Variants in SLC6A18 observed in about 807,000 individuals in gnomAD.
SLC6A18 encodes solute carrier family 6 member 18, also known as inactive sodium-dependent neutral amino acid transporter B(0)AT3.
SLC6A18 carries 58 observed loss-of-function variants against 62.9 expected under a neutral mutation model. The ratio of observed to expected loss-of-function variants is 0.92; its 90% CI spans 0.75 to 1.15. The LOEUF is 1.15. Ranked by LOEUF, SLC6A18 falls within the 50% of genes most tolerant of loss-of-function variation. The probability of loss-of-function intolerance (pLI) is 0.00; values close to 1 mark genes in which losing one functional copy is unlikely to be tolerated. For synonymous variants in SLC6A18, 382 were observed against 365.8 expected (o/e 1.04, Z -0.51); for missense variants, 793 against 836.6 (o/e 0.95, Z 0.64).
intron 5 of SLC6A18, 39 bp downstream of exon 5, chr5:1,238,099 C>A: frequency 1.3e-6 from 2 of 1,495,024 alleles, no homozygotes; most frequent in East Asian, 2.3e-5. Flanking sequence ...GCCTCCAGCA[C>A]ACACATTTCA....
In SLC6A18 at chr5:1,238,059, A is replaced by G. The variant is rs917945102; in HGVS notation, c.731A>G (p.Asn244Ser). 5.0e-6 allele frequency: 8 copies of G among 1,608,802 alleles called. No homozygotes were observed. The highest frequency in any genetic ancestry group is 1.1e-5 in the South Asian group (1 of 90,964). ...TKGLIYLFTP[N>S]MHILQNPRVW... The stretch of plus-strand genomic sequence containing the variant: ...GGACTCATCTACTTGTTCACTCCCA[A>G]CGTAAGTGGGTCTTGGATCAAAGTT... Residue 244 changes from asparagine (N) to serine (S), a missense_variant and splice_region_variant, in exon 5 of 12, where the codon AAC (asparagine) becomes AGC (serine). Transcript: ENST00000324642.
intron 5 of SLC6A18, 58 bp from the exon 6 acceptor site, chr5:1,239,392 G>A: frequency 7.5e-7 from 1 of 1,329,200 alleles, no homozygotes; most frequent in Non-Finnish European, 1.1e-6. Flanking sequence ...GAACAGTCAG[G>A]GCCACCAGCT....
rs1746743760 is a variant in SLC6A18, at chr5:1,232,096, T to C, written c.161-123T>C. On this transcript the variant is annotated intron_variant, in intron 1 of 11. Coordinates refer to ENST00000324642, the MANE Select transcript of SLC6A18 (RefSeq NM_182632.3). ...CCCAAGGGTGTCTCCACCACCCAAG[T>C]GGTGCCCCCAACATTCAGGTCCCGT... is the stretch of plus-strand genomic sequence containing the variant. 9.5e-6 allele frequency: 8 copies of C among 838,486 alleles called. No individual in the cohort carries two copies. The South Asian group carries it at 1.3e-4, about 14-fold the overall frequency. 51.9% of individuals were successfully genotyped at this position (838,486 alleles called of 1,614,324 possible).
At chr5:1,242,930 G>A in intron 8 of SLC6A18, 67 bp downstream of exon 8, 1 of 1,490,150 alleles carries the variant, frequency 6.7e-7, no homozygotes, top group Non-Finnish European at 9.0e-7. Context: ...CGCACTGGCT[G>A]TGTCCCACTG....
At chr5:1,231,161 C>A (rs936220104) in intron 1 of SLC6A18, among the ~76,000 whole-genome samples, 2 of 152,196 alleles carry the variant, frequency 1.3e-5, no homozygotes, top group African/African-American at 4.8e-5. Flanking sequence ...GGAAGCCAGC[C>A]CTGCTCGCAT....
At chr5:1,231,800 G>A (rs1746736320) in intron 1 of SLC6A18, among the ~76,000 whole-genome samples, 1 of 152,190 alleles carries the variant, frequency 6.6e-6, no homozygotes, top group Non-Finnish European at 1.5e-5. Context: ...GGTTTTCAGT[G>A]TGATTCCGCC....
At position 1,243,742 on chromosome 5, in the gene SLC6A18, C is replaced by T. The variant is rs765299867; in HGVS notation, c.1319C>T (p.Pro440Leu). 3 of 1,607,902 alleles carry T rather than the reference C, an allele frequency of 1.9e-6. No individual in the cohort carries two copies. The highest frequency in any genetic ancestry group is 1.3e-5 in the African/African-American group (1 of 74,914). The part of the protein sequence containing the change: ...LDVGVLPRWV[P>L]KEALTGLVCL... The stretch of plus-strand genomic sequence containing the variant: ...GTGGGGGTCCTGCCTAGATGGGTCC[C>T]CAAGGAGGCCCTGACTGGTGAGCGC... Residue 440 changes from proline to leucine, a missense_variant, in exon 9 of 12, where the codon CCC (proline) becomes CTC (leucine). Pro to Leu is a moderately conservative substitution (Grantham distance 98). Coordinates refer to ENST00000324642, the MANE Select transcript of SLC6A18 (RefSeq NM_182632.3). The surrounding 1 kb of genome is among the most constrained non-coding windows in gnomAD (Gnocchi z 6.5).
chr5:1,239,664 G>A, intron 6 of SLC6A18, 102 bp downstream of exon 6: 3 of 903,372 alleles, frequency 3.3e-6, no homozygotes, highest in Admixed American at 2.0e-5. Flanking sequence ...GTGGCCTTGT[G>A]TGAACCTGAG....
intron 3 of SLC6A18, among the ~76,000 whole-genome samples, chr5:1,234,927 T>C (rs988988962): frequency 6.6e-6 from 1 of 152,364 alleles, no homozygotes; most frequent in Non-Finnish European, 1.5e-5. Context: ...CAGTCAAGTG[T>C]CCCAGAAATG....
rs539854209 is a variant in SLC6A18, at chr5:1,235,320, G to A, written c.440-161G>A. Among the ~76,000 whole-genome samples, 7 of 152,276 alleles carry A rather than the reference G, an allele frequency of 4.6e-5. No individual in the cohort carries two copies. In the South Asian group the frequency reaches 6.2e-4, roughly 14 times the overall value. ...TCAGCCTGTTCATTTTCACAGCCAC[G>A]TCTGTTTCTCCATCTCAGCCCTGGG... On this transcript the variant is annotated intron_variant, in intron 3 of 11. Coordinates refer to ENST00000324642, the MANE Select transcript of SLC6A18 (RefSeq NM_182632.3).
intron 2 of SLC6A18, among the ~76,000 whole-genome samples, 171 bp downstream of exon 2, chr5:1,232,530 G>C (rs375106848): frequency 6.6e-6 from 1 of 152,166 alleles, no homozygotes; most frequent in African/African-American, 2.4e-5. Context: ...GCGGTGACTC[G>C]GGGAGAATTA....
chr5:1,225,447 C>T lies in SLC6A18; in HGVS notation c.-31C>T, dbSNP rs752309465. 6 of 1,593,218 alleles carry T rather than the reference C, an allele frequency of 3.8e-6. No homozygotes were observed. The highest frequency in any genetic ancestry group is 4.3e-6 in the Non-Finnish European group (5 of 1,170,884). On this transcript the variant is annotated 5_prime_UTR_variant, in exon 1 of 12. Transcript: ENST00000324642. Reference sequence around the variant, plus strand: ...GCTGGGTGTGGAGTGAGGCACCACCCTTGCCCTGAAGCCTGGGGCACTCAG... The same window carrying T: ...GCTGGGTGTGGAGTGAGGCACCACCTTTGCCCTGAAGCCTGGGGCACTCAG...
At position 1,239,611 on chromosome 5, in the gene SLC6A18, C is replaced by T. The variant is rs140844704; in HGVS notation, c.845+49C>T. ...CAGCCAGGGAAGCTTTGGGGAGACG[C>T]CCGAGCACTTCCTGATCTCAGGATC... On this transcript the variant is annotated intron_variant, in intron 6 of 11. Coordinates refer to ENST00000324642, the MANE Select transcript of SLC6A18 (RefSeq NM_182632.3). 1.3e-4 allele frequency: 178 copies of T among 1,388,740 alleles called. 1 individual carries two copies. The East Asian group carries it at 3.4e-3, about 26-fold the overall frequency. The allele number at this position is 1,388,740 out of a possible 1,614,324, so 86.0% of individuals were successfully genotyped here. A position where few individuals can be genotyped will look rare whatever the true frequency, so the allele number is the denominator to read the frequency against.
chr5:1,230,719 C>T (rs915010902), intron 1 of SLC6A18, among the ~76,000 whole-genome samples: 10 of 152,198 alleles, frequency 6.6e-5, no homozygotes, highest in African/African-American at 2.4e-4. Context: ...TGGGAGATGC[C>T]AGGCGCGGAG....
Position 1,239,542 on chromosome 5 carries a change from T to C in SLC6A18, c.825T>C (p.Phe275=), listed in dbSNP as rs75958393. 3,370 of 1,614,074 alleles carry C rather than the reference T, an allele frequency of 2.1e-3. 75 individuals are homozygous for C. The African/African-American group carries it at 0.041, about 19-fold the overall frequency. ...TGGCCTTCGGAGGACACATCGCTTT[T>C]GCAAGTTACAACTCGCCCAGGTAGG... The part of the protein sequence containing the change: ...LSLAFGGHIA[F]ASYNSPRNDC... The change falls in exon 6 of 12, where the codon TTT becomes TTC. Residue 275 remains phenylalanine (F), a synonymous_variant. Transcript: ENST00000324642.
Position 1,241,084 on chromosome 5 carries a change from T to G in SLC6A18, c.974+425T>G, listed in dbSNP as rs1397818871. The stretch of plus-strand genomic sequence containing the variant: ...CAGGAGGGGCGCGGCCTGGCCACAC[T>G]GGGATTTCAGATGTCACAGTACTCC... On this transcript the variant is annotated intron_variant, in intron 7 of 11. Coordinates refer to ENST00000324642, the MANE Select transcript of SLC6A18 (RefSeq NM_182632.3). The surrounding 1 kb of genome is among the most constrained non-coding windows in gnomAD (Gnocchi z 7.8). 6.6e-6 allele frequency among the ~76,000 whole-genome samples: 1 copy of G among 152,110 alleles called. No homozygotes were observed. The highest frequency in any genetic ancestry group is 1.5e-5 in the Non-Finnish European group (1 of 68,006).
rs1383969421 is a variant in SLC6A18 at position 1,233,774 on chromosome 5, C to T, written c.439+886C>T. Reference sequence around the variant, plus strand: ...ATTTTTTTTTTGAGACGGAGTCTTGCTCTGTCGCCCAGGCTGGAGTGCAGT... The same window carrying T: ...ATTTTTTTTTTGAGACGGAGTCTTGTTCTGTCGCCCAGGCTGGAGTGCAGT... On this transcript the variant is annotated intron_variant, in intron 3 of 11. Transcript: ENST00000324642. 7.5e-5 allele frequency among the ~76,000 whole-genome samples: 10 copies of T among 133,144 alleles called. No individual in the cohort carries two copies. The South Asian group carries it at 1.4e-3, about 18-fold the overall frequency. 87.3% of individuals were successfully genotyped at this position (133,144 alleles called of 152,430 possible).
intron 7 of SLC6A18, among the ~76,000 whole-genome samples, 172 bp downstream of exon 7, chr5:1,240,831 T>C (rs924917341): frequency 6.6e-6 from 1 of 152,196 alleles, no homozygotes; most frequent in Non-Finnish European, 1.5e-5. Context: ...CTTCAGAATG[T>C]GACCTGGTTG....
At position 1,244,710 on chromosome 5, in the gene SLC6A18, T is replaced by TTACA. The variant is rs780331065; in HGVS notation, c.1601_1604dup (p.Ile536HisfsTer113). The TTACA allele has an allele frequency of 6.2e-7, 1 of 1,613,154 alleles. No individual in the cohort carries two copies. The highest frequency in any genetic ancestry group is 8.5e-7 in the Non-Finnish European group (1 of 1,179,236). On this transcript the variant is annotated frameshift_variant, in exon 11 of 12. Coordinates refer to ENST00000324642, the MANE Select transcript of SLC6A18 (RefSeq NM_182632.3). LOFTEE classifies it high-confidence loss of function. The stretch of plus-strand genomic sequence containing the variant: ...CCCTGCTGCTGACCATCTTTGTGGC[T>TTACA]TACATCATCCTCCTGTTCTGGAAGC...
Sources: allele counts gnomAD v4.1 joint callset (sites outside exome capture counted in the v4.1 genomes callset), GRCh38; gene constraint gnomAD v4.1.1; non-coding constraint Gnocchi (gnomAD v3.1); transcripts MANE v1.5; gene names NCBI Gene and HGNC (gene_info 2026-07-23, HGNC 2026-07-21).